Variants in ATXN2L observed in about 807,000 individuals in gnomAD.
The protein encoded by ATXN2L is ataxin-2-like protein.
A neutral mutation model predicts 120.7 loss-of-function variants in ATXN2L; 24 were observed. The ratio of observed to expected loss-of-function variants is 0.20; its 90% CI spans 0.14 to 0.28. ATXN2L has a LOEUF of 0.28. Among genes scored for constraint, ATXN2L ranks in the 10% least tolerant of loss-of-function variants. The pLI is 1.00. For synonymous variants in ATXN2L, 653 were observed against 568.1 expected (o/e 1.15, Z -2.13); for missense variants, 1,312 against 1,432.3 (o/e 0.92, Z 1.36).
intron 5 of ATXN2L, 102 bp downstream of exon 5, chr16:28,826,492 T>G: frequency 7.4e-7 from 1 of 1,352,232 alleles, no homozygotes; most frequent in Non-Finnish European, 1.0e-6. Context: ...GTTTGTTTTT[T>G]TGTTTTTGTT....
Position 28,830,793 on chromosome 16 carries a change from G to T in ATXN2L, c.1210+3G>T, listed in dbSNP as rs754374661. The stretch of plus-strand genomic sequence containing the variant: ...TGAGGCCCGTGGTATCAATGGAGGT[G>T]AGTTATGAGGTGACTTTGAGGAAGA... On this transcript the variant is annotated splice_donor_region_variant and intron_variant, in intron 9 of 21. Coordinates refer to ENST00000336783, the MANE Select transcript of ATXN2L (RefSeq NM_007245.4). 1 of 1,581,686 alleles carries T rather than the reference G, an allele frequency of 6.3e-7. No homozygotes were observed. The highest frequency in any genetic ancestry group is 2.2e-5 in the East Asian group (1 of 44,476).
chr16:28,823,425 TC>T lies in ATXN2L; in HGVS notation c.171del (p.Cys58AlafsTer80). The T allele has an allele frequency of 1.5e-6, 2 of 1,298,056 alleles. No individual in the cohort carries two copies. The highest frequency in any genetic ancestry group is 4.6e-5 in the South Asian group (2 of 43,022). 80.4% of individuals were successfully genotyped at this position (1,298,056 alleles called of 1,614,324 possible). On this transcript the variant is annotated frameshift_variant, in exon 1 of 22. Transcript: ENST00000336783. LOFTEE classifies it high-confidence loss of function. ...AAPPGPPAAA[S>X]PCLGPVAAAG... The stretch of plus-strand genomic sequence containing the variant: ...TCCTCCCGGGCCTCCAGCGGCCGCC[TC>T]CCCCTGCCTGGGGCCTGTGGCCGCT...
intron 6 of ATXN2L, among the ~76,000 whole-genome samples, chr16:28,827,964 T>A (rs144420088): frequency 2.2e-4 from 34 of 152,340 alleles, no homozygotes; most frequent in Non-Finnish European, 4.6e-4. Context: ...TATGTTTAGT[T>A]TGTACAAGAA....
chr16:28,832,588 G>A, intron 12 of ATXN2L, 21 bp downstream of exon 12: 1 of 1,610,758 alleles, frequency 6.2e-7, no homozygotes, highest in Non-Finnish European at 8.5e-7. Context: ...TTTTTTTTCT[G>A]CTGAGGATTA....
At position 28,831,872 on chromosome 16, in the gene ATXN2L, G is replaced by A. The variant is rs62036625; in HGVS notation, c.1322-333G>A. On this transcript the variant is annotated intron_variant, in intron 10 of 21. Coordinates refer to ENST00000336783, the MANE Select transcript of ATXN2L (RefSeq NM_007245.4). ...TGCACTCCAGTCTGGGGAACAGAGCGATACCCTGTCTCTAAATAAATAAAT... is the reference window on the plus strand; with the variant it reads ...TGCACTCCAGTCTGGGGAACAGAGCAATACCCTGTCTCTAAATAAATAAAT... Among the ~76,000 whole-genome samples, 217 of 152,290 alleles carry A rather than the reference G, an allele frequency of 1.4e-3. 1 individual carries two copies. Among genetic ancestry groups the A allele is most frequent in the Non-Finnish European group, 2.4e-3 (161 of 68,020 alleles).
In ATXN2L at chr16:28,834,346, C is replaced by T. The variant is rs745864476; in HGVS notation, c.2176C>T (p.Pro726Ser). The change falls in exon 17 of 22, where the codon CCT becomes TCT. Residue 726 changes from proline to serine, a missense_variant. Pro to Ser is a moderately conservative substitution (Grantham distance 74, BLOSUM62 -1). Coordinates refer to ENST00000336783, the MANE Select transcript of ATXN2L (RefSeq NM_007245.4). The stretch of plus-strand genomic sequence containing the variant: ...TCATCTGTGTCCTCATCCCCAGGCA[C>T]CTCAGATGTATCCATATCCTGTATC... Reference protein sequence around the residue: ...QIHMGPAVQAPQMYPYPVSNS... With the variant: ...QIHMGPAVQASQMYPYPVSNS... The T allele has an allele frequency of 1.9e-6, 3 of 1,613,806 alleles. No individual in the cohort carries two copies. Among genetic ancestry groups the T allele is most frequent in the Admixed American group, 1.7e-5 (1 of 60,002 alleles).
chr16:28,824,284 T>A (rs1257824393), intron 1 of ATXN2L: 1 of 1,164,306 alleles, frequency 8.6e-7, no homozygotes, highest in African/African-American at 1.6e-5. Flanking sequence ...CAGTTTTTCC[T>A]GTGCGAGTGT....
chr16:28,823,340 C>T lies in ATXN2L; in HGVS notation c.81C>T (p.Pro27=). The T allele has an allele frequency of 1.4e-6, 2 of 1,385,770 alleles. No individual in the cohort carries two copies. Among genetic ancestry groups the T allele is most frequent in the Non-Finnish European group, 1.9e-6 (2 of 1,071,118 alleles). 85.8% of individuals were successfully genotyped at this position (1,385,770 alleles called of 1,614,324 possible). ...CGCAACAGGCCGTGGCCCGTCGGCCCCCCGGGGGCACCAGCCCTCCCAACG... is the reference window on the plus strand; with the variant it reads ...CGCAACAGGCCGTGGCCCGTCGGCCTCCCGGGGGCACCAGCCCTCCCAACG... ...PPTQQAVARR[P]PGGTSPPNGG... Residue 27 remains proline, a synonymous_variant, in exon 1 of 22, where the codon CCC becomes CCT. Transcript: ENST00000336783.
In ATXN2L at chr16:28,829,926, G is replaced by A. The variant is rs1369976845; in HGVS notation, c.902G>A (p.Arg301Gln). The A allele has an allele frequency of 4.3e-6, 7 of 1,614,194 alleles. No homozygotes were observed. Among genetic ancestry groups the A allele is most frequent in the South Asian group, 2.2e-5 (2 of 91,084 alleles). Reference protein sequence around the residue: ...QRELRAAQLAREIESSPQYRL... With the variant: ...QRELRAAQLAQEIESSPQYRL... ...GAGCTGCGTGCGGCCCAGTTGGCTC[G>A]AGAGATTGAATCAAGCCCCCAGTAC... The change falls in exon 8 of 22, where the codon CGA (arginine) becomes CAA (glutamine). Residue 301 changes from arginine (R) to glutamine (Q), a missense_variant. Arg to Gln is a conservative substitution (Grantham distance 43). Transcript: ENST00000336783.
In ATXN2L at chr16:28,835,954, A is replaced by C. The variant is rs1410829369; in HGVS notation, c.2917A>C (p.Thr973Pro). The C allele has an allele frequency of 1.9e-6, 3 of 1,539,268 alleles. No individual in the cohort carries two copies. In the African/African-American group the frequency reaches 4.1e-5, roughly 21 times the overall value. Residue 973 changes from threonine (T) to proline (P), a missense_variant, in exon 22 of 22, where the codon ACA becomes CCA. Thr to Pro is a conservative substitution (Grantham distance 38, BLOSUM62 -1). Coordinates refer to ENST00000336783, the MANE Select transcript of ATXN2L (RefSeq NM_007245.4). ...VTQAHVQTGI[T>P]AAPPPHPGAP... ...ACAGGCCCATGTCCAAACTGGAATC[A>C]CAGCAGCCCCGCCCCCTCACCCTGG...
chr16:28,834,244 G>A, intron 16 of ATXN2L, 33 bp downstream of exon 16: 1 of 1,611,102 alleles, frequency 6.2e-7, no homozygotes, highest in Non-Finnish European at 8.5e-7. Context: ...CCCAGGGTTA[G>A]CGGGGTGGGA....
At chr16:28,829,768 C>A in intron 7 of ATXN2L, 90 bp from the exon 8 acceptor site, 2 of 1,360,076 alleles carry the variant, frequency 1.5e-6, no homozygotes, top group Non-Finnish European at 2.1e-6. Flanking sequence ...CATGCCTGAA[C>A]TGGTGATTGG....
chr16:28,827,231 C>T (rs901496133), intron 6 of ATXN2L, among the ~76,000 whole-genome samples: 4 of 151,978 alleles, frequency 2.6e-5, no homozygotes, highest in Admixed American at 6.6e-5. Flanking sequence ...GCAAGGATTT[C>T]GAGACCAGTC....
Position 28,835,028 on chromosome 16 carries a change from T to C in ATXN2L, c.2434-30T>C, listed in dbSNP as rs1959764507. ...AGGACACCTTCCCAGCTGGCGGCTG[T>C]GCCAACCACTCCTCTCTCTGTCCCG... On this transcript the variant is annotated intron_variant, in intron 18 of 21. Transcript: ENST00000336783. The C allele has an allele frequency of 1.9e-6, 3 of 1,596,412 alleles. No homozygotes were observed. In the African/African-American group the frequency reaches 4.0e-5, roughly 21 times the overall value.
chr16:28,829,756 TC>T (rs2053662697), intron 7 of ATXN2L, 101 bp from the exon 8 acceptor site: 1 of 1,271,948 alleles, frequency 7.9e-7, no homozygotes, highest in East Asian at 2.3e-5. Flanking sequence ...ATTAAATACT[TC>T]CATGCCTGAA....
intron 1 of ATXN2L, chr16:28,823,881 C>A: frequency 3.3e-6 from 1 of 300,614 alleles, no homozygotes; most frequent in African/African-American, 2.2e-5. Flanking sequence ...ATCGGGGTCC[C>A]CGGTTCCATT....
chr16:28,825,707 G>T, intron 3 of ATXN2L, 27 bp downstream of exon 3: 1 of 1,613,818 alleles, frequency 6.2e-7, no homozygotes, highest in Non-Finnish European at 8.5e-7. Flanking sequence ...CCCCCGGGTT[G>T]TTTAAGGAAC....
chr16:28,823,402 C>A lies in ATXN2L; in HGVS notation c.143C>A (p.Pro48His), dbSNP rs1341728920. The A allele has an allele frequency of 7.6e-6, 10 of 1,317,988 alleles. No individual in the cohort carries two copies. Among genetic ancestry groups the A allele is most frequent in the African/African-American group, 1.5e-5 (1 of 65,326 alleles). 81.6% of individuals were successfully genotyped at this position (1,317,988 alleles called of 1,614,324 possible). A position where few individuals can be genotyped will look rare whatever the true frequency, so the allele number is the denominator to read the frequency against. The change falls in exon 1 of 22, where the codon CCT (proline) becomes CAT (histidine). Residue 48 changes from proline to histidine, a missense_variant. Physicochemically the swap from Pro to His is moderately conservative, Grantham distance 77. Coordinates refer to ENST00000336783, the MANE Select transcript of ATXN2L (RefSeq NM_007245.4). ...LPGPLATSAAPPGPPAAASPC... is the reference protein window; with the variant it reads ...LPGPLATSAAHPGPPAAASPC... ...GGGCCGCTGGCCACCTCTGCGGCTC[C>A]TCCCGGGCCTCCAGCGGCCGCCTCC...
rs368636815 is a variant in ATXN2L at position 28,830,710 on chromosome 16, G to C, written c.1130G>C (p.Ser377Thr). The change falls in exon 9 of 22, where the codon AGC becomes ACC. Residue 377 changes from serine (S) to threonine (T), a missense_variant. Physicochemically the swap from Ser to Thr is moderately conservative, Grantham distance 58. Transcript: ENST00000336783. ...TCTCGGGGCGGTCGGCCTGGCCTTA[G>C]CTCTTTGCCACCTCGTGGCCCTCAC... ...SSSRGGRPGL[S>T]SLPPRGPHHL... The C allele has an allele frequency of 2.9e-5, 46 of 1,613,888 alleles. No homozygotes were observed. The African/African-American group carries it at 4.8e-4, about 17-fold the overall frequency.
Sources: allele counts gnomAD v4.1 joint callset (sites outside exome capture counted in the v4.1 genomes callset), GRCh38; gene constraint gnomAD v4.1.1; transcripts MANE v1.5; gene names NCBI Gene and HGNC (gene_info 2026-07-23, HGNC 2026-07-21).